Variants in CCDC102B observed in about 807,000 individuals in gnomAD.
The protein encoded by CCDC102B is coiled-coil domain containing 102B.
CCDC102B carries 75 observed loss-of-function variants against 57.4 expected under a neutral mutation model. The ratio of observed to expected loss-of-function variants is 1.31; its 90% CI spans 1.08 to 1.58. The LOEUF is 1.58. Among genes scored for constraint, CCDC102B ranks in the 40% most tolerant of loss-of-function variants. CCDC102B has a pLI of 0.00. For missense variants in CCDC102B, 636 were observed against 582.6 expected (o/e 1.09, Z -0.94); for synonymous variants, 206 against 201.9 (o/e 1.02, Z -0.17).
In CCDC102B at chr18:68,887,033, C is replaced by T. The variant is rs2039912978; in HGVS notation, c.1054-10186C>T. ...CTAGATCCTTAAAATTTTCAATACT[C>T]ATTCTGTATTTCCTCTTTTTATAGT... On this transcript the variant is annotated intron_variant, in intron 5 of 7. Transcript: ENST00000360242. Among the ~76,000 whole-genome samples, 3 of 152,100 alleles carry T rather than the reference C, an allele frequency of 2.0e-5. No individual in the cohort carries two copies. In the South Asian group the frequency reaches 6.2e-4, roughly 31 times the overall value.
intron 7 of CCDC102B, among the ~76,000 whole-genome samples, chr18:69,031,246 T>C (rs115165853): frequency 0.02 from 2,979 of 152,262 alleles, 105 homozygotes; most frequent in African/African-American, 0.066. Flanking sequence ...TGTAGTCCTT[T>C]TTAGTGACTT....
chr18:69,009,747 A>G (rs1455598620), intron 6 of CCDC102B, among the ~76,000 whole-genome samples: 1 of 151,636 alleles, frequency 6.6e-6, no homozygotes, highest in Non-Finnish European at 1.5e-5. Flanking sequence ...TTCTACCTAG[A>G]CATCCTAAGA....
chr18:68,750,522 C>A (rs2033803778), intron 2 of CCDC102B, among the ~76,000 whole-genome samples: 2 of 152,020 alleles, frequency 1.3e-5, no homozygotes, highest in African/African-American at 4.8e-5. Flanking sequence ...TGGCACTATT[C>A]ACAATAGCAA....
intron 2 of CCDC102B, chr18:68,718,064 T>C (rs528669221): frequency 6.6e-6 from 1 of 150,486 alleles, no homozygotes; most frequent in Non-Finnish European, 1.5e-5. Flanking sequence ...CCTTATCAGA[T>C]ACCACACCTG....
chr18:68,722,658 A>G (rs1463163015), intron 2 of CCDC102B, among the ~76,000 whole-genome samples: 1 of 152,226 alleles, frequency 6.6e-6, no homozygotes, highest in Admixed American at 6.5e-5. Context: ...TTAATCTAAA[A>G]TGACATGAAA....
chr18:68,973,116 G>A (rs1047085403), intron 6 of CCDC102B, among the ~76,000 whole-genome samples: 2 of 152,064 alleles, frequency 1.3e-5, no homozygotes, highest in African/African-American at 4.8e-5. Flanking sequence ...ATGCATGGAG[G>A]TCCTTAATCC....
intron 2 of CCDC102B, among the ~76,000 whole-genome samples, chr18:68,726,261 G>T (rs1415709202): frequency 2.0e-5 from 3 of 152,132 alleles, no homozygotes; most frequent in Non-Finnish European, 2.9e-5. Context: ...TCTTCATTCA[G>T]TACTAATTGG....
intron 2 of CCDC102B, among the ~76,000 whole-genome samples, chr18:68,717,127 C>T (rs1016249949): frequency 1.3e-5 from 2 of 151,692 alleles, no homozygotes; most frequent in Non-Finnish European, 2.9e-5. Context: ...ACCTGTGGTC[C>T]CAGCTACTCC....
chr18:68,880,092 G>C (rs187058004), intron 5 of CCDC102B, among the ~76,000 whole-genome samples: 2,539 of 152,282 alleles, frequency 0.017, 66 homozygotes, highest in African/African-American at 0.056. Context: ...GCCCATGGAG[G>C]GGGTGGAAGG....
chr18:68,858,213 A>T (rs558146855), intron 4 of CCDC102B, among the ~76,000 whole-genome samples: 28 of 152,322 alleles, frequency 1.8e-4, no homozygotes, highest in African/African-American at 5.3e-4. Context: ...TAAAAATGGA[A>T]TCCTACAGTG....
At chr18:68,897,652 C>A in intron 6 of CCDC102B, 1 of 1,457,092 alleles carries the variant, frequency 6.9e-7, no homozygotes, top group South Asian at 1.2e-5. Flanking sequence ...CAGACAGTTT[C>A]AAGATTTCCA....
chr18:68,813,128 G>A (rs2036333689), intron 1 of CCDC102B, among the ~76,000 whole-genome samples: 2 of 152,132 alleles, frequency 1.3e-5, no homozygotes, highest in African/African-American at 4.8e-5. Flanking sequence ...TTGTGATAGA[G>A]TGTAGAGTTC....
intron 5 of CCDC102B, among the ~76,000 whole-genome samples, chr18:68,883,582 A>G (rs1402187205): frequency 6.6e-6 from 1 of 152,162 alleles, no homozygotes; most frequent in Non-Finnish European, 1.5e-5. Flanking sequence ...TTCCTACTGT[A>G]GAGAAAGACT....
At chr18:68,897,937 T>C (rs969352452) in intron 6 of CCDC102B, 1 of 215,462 alleles carries the variant, frequency 4.6e-6, no homozygotes, top group Non-Finnish European at 9.4e-6. Flanking sequence ...TTTCAAATAA[T>C]TTTTCCAGCC....
At chr18:68,738,802 G>A (rs779759361) in intron 2 of CCDC102B, among the ~76,000 whole-genome samples, 3 of 152,024 alleles carry the variant, frequency 2.0e-5, no homozygotes, top group Non-Finnish European at 4.4e-5. Context: ...TGCCTCCCAC[G>A]CATCTCATCT....
At chr18:68,877,057 A>T (rs1420511561) in intron 5 of CCDC102B, among the ~76,000 whole-genome samples, 1 of 152,236 alleles carries the variant, frequency 6.6e-6, no homozygotes, top group African/African-American at 2.4e-5. Context: ...ATATAGTTTG[A>T]AATAAAATAC....
At chr18:69,041,690 T>C (rs546353617) in intron 7 of CCDC102B, among the ~76,000 whole-genome samples, 4 of 152,046 alleles carry the variant, frequency 2.6e-5, no homozygotes, top group Non-Finnish European at 5.9e-5. Flanking sequence ...TAGCTAGCAG[T>C]CTATCTTATG....
intron 6 of CCDC102B, among the ~76,000 whole-genome samples, chr18:69,005,122 A>G (rs1406609955): frequency 2.6e-5 from 4 of 152,138 alleles, no homozygotes; most frequent in Non-Finnish European, 5.9e-5. Flanking sequence ...GTTTAACTTG[A>G]GTGGTATTGT....
intron 6 of CCDC102B, among the ~76,000 whole-genome samples, chr18:68,942,791 ACT>A (rs1471797692): frequency 2.0e-5 from 3 of 151,426 alleles, no homozygotes; most frequent in Non-Finnish European, 2.9e-5. Context: ...TTCCTCTTTC[ACT>A]AATCCTCCTC....
Sources: allele counts gnomAD v4.1 joint callset (sites outside exome capture counted in the v4.1 genomes callset), GRCh38; gene constraint gnomAD v4.1.1; transcripts MANE v1.5; gene names NCBI Gene and HGNC (gene_info 2026-07-23, HGNC 2026-07-21).